Variants in NUMB observed in about 807,000 individuals in gnomAD.
NUMB encodes the protein NUMB endocytic adaptor protein.
In NUMB, 29 loss-of-function variants were observed where a neutral mutation model predicts 59.7. That is an observed-to-expected ratio of 0.49 (90% CI 0.36 to 0.66). The LOEUF (loss-of-function observed/expected upper bound fraction) is 0.66, where lower values mean the gene tolerates loss of function less well. Ranked by LOEUF, NUMB falls within the 30% of genes least tolerant of loss-of-function variation. The pLI is 0.00. For missense variants in NUMB, 723 were observed against 822.0 expected (o/e 0.88, Z 1.47); for synonymous variants, 288 against 288.2 (o/e 1.00, Z 0.01).
chr14:73,422,087 T>G (rs1421356889), intron 1 of NUMB, among the ~76,000 whole-genome samples: 1 of 151,480 alleles, frequency 6.6e-6, no homozygotes, highest in African/African-American at 2.4e-5. Flanking sequence ...GAGGTTGCAG[T>G]GAGCCAAGAT....
At chr14:73,378,263 A>C (rs1895065695) in intron 2 of NUMB, among the ~76,000 whole-genome samples, 1 of 152,260 alleles carries the variant, frequency 6.6e-6, no homozygotes. Flanking sequence ...AATTCTGAGA[A>C]GCAGTTCCAG....
chr14:73,361,785 CA>C (rs1407897638), intron 3 of NUMB, among the ~76,000 whole-genome samples: 10 of 151,998 alleles, frequency 6.6e-5, no homozygotes, highest in African/African-American at 2.4e-4. Context: ...ATAACTTTAT[CA>C]AGACCTCAAG....
chr14:73,361,280 A>G (rs962091039), intron 3 of NUMB, among the ~76,000 whole-genome samples: 1 of 152,180 alleles, frequency 6.6e-6, no homozygotes, highest in Non-Finnish European at 1.5e-5. Flanking sequence ...CTAACTTGCT[A>G]AAGGTAGAAA....
At chr14:73,402,154 C>A (rs56300347) in intron 2 of NUMB, among the ~76,000 whole-genome samples, 7,832 of 152,220 alleles carry the variant, frequency 0.051, 656 homozygotes, top group African/African-American at 0.18. Context: ...GAGTGAGCCA[C>A]TGCACCTGGC....
chr14:73,336,486 A>G (rs1892324115), intron 4 of NUMB, among the ~76,000 whole-genome samples: 1 of 152,218 alleles, frequency 6.6e-6, no homozygotes, highest in Non-Finnish European at 1.5e-5. Flanking sequence ...GAAGTAAAGA[A>G]AACAAAGGAA....
chr14:73,278,142 C>T (rs1888328369), intron 12 of NUMB, among the ~76,000 whole-genome samples: 1 of 150,880 alleles, frequency 6.6e-6, no homozygotes, highest in Non-Finnish European at 1.5e-5. Context: ...AAGAAAATAA[C>T]CAGTGACCTG....
Position 73,292,877 on chromosome 14 carries a change from AG to A in NUMB, c.310-4del. The A allele has an allele frequency of 6.2e-7, 1 of 1,613,974 alleles. No homozygotes were observed. Among genetic ancestry groups the A allele is most frequent in the Non-Finnish European group, 8.5e-7 (1 of 1,179,928 alleles). On this transcript the variant is annotated splice_region_variant and splice_polypyrimidine_tract_variant and intron_variant, in intron 7 of 12. Coordinates refer to ENST00000555238, the MANE Select transcript of NUMB (RefSeq NM_001005743.2). ...ATCGTCTGGTCAACTATGAGGTCCT[AG>A]AAAATACGACACACAAAGAAAGAGA...
intron 1 of NUMB, among the ~76,000 whole-genome samples, chr14:73,426,757 G>A (rs1343900981): frequency 6.6e-6 from 1 of 152,180 alleles, no homozygotes; most frequent in Non-Finnish European, 1.5e-5. Context: ...TGAGACAGGA[G>A]AATTGCTTGA....
At chr14:73,404,736 T>G (rs1896579637) in intron 2 of NUMB, among the ~76,000 whole-genome samples, 1 of 152,184 alleles carries the variant, frequency 6.6e-6, no homozygotes, top group African/African-American at 2.4e-5. Context: ...TTTCATATTT[T>G]TATACCTTTC....
intron 6 of NUMB, among the ~76,000 whole-genome samples, chr14:73,307,893 C>A (rs894072193): frequency 6.6e-6 from 1 of 152,074 alleles, no homozygotes; most frequent in African/African-American, 2.4e-5. Flanking sequence ...CCACCACGCC[C>A]GGCTAATTTT....
At chr14:73,413,887 A>C (rs1421183744) in intron 1 of NUMB, among the ~76,000 whole-genome samples, 1 of 152,144 alleles carries the variant, frequency 6.6e-6, no homozygotes, top group Non-Finnish European at 1.5e-5. Context: ...AAACCAATGC[A>C]GTATTATAAT....
chr14:73,401,551 A>T, intron 2 of NUMB, among the ~76,000 whole-genome samples: 1 of 150,592 alleles, frequency 6.6e-6, no homozygotes, highest in African/African-American at 2.5e-5. Context: ...CTAACAAAAT[A>T]TGTAAGACTA....
intron 1 of NUMB, among the ~76,000 whole-genome samples, chr14:73,417,503 G>A (rs1465858261): frequency 1.3e-5 from 2 of 151,316 alleles, no homozygotes; most frequent in East Asian, 3.9e-4. Flanking sequence ...TGTGAGCCAA[G>A]GTCGAGCCAC....
Position 73,395,817 on chromosome 14 carries a change from C to T in NUMB, c.-101+14120G>A, listed in dbSNP as rs1038361015. On this transcript the variant is annotated intron_variant, in intron 2 of 12. Coordinates refer to ENST00000555238, the MANE Select transcript of NUMB (RefSeq NM_001005743.2). ...ATAGTTTTTCCTGTGTCTCAACTGTCCTCTTTGAAAAAATGGAAATAACCT... is the reference window on the plus strand; with the variant it reads ...ATAGTTTTTCCTGTGTCTCAACTGTTCTCTTTGAAAAAATGGAAATAACCT... 2.6e-5 allele frequency among the ~76,000 whole-genome samples: 4 copies of T among 151,968 alleles called. No homozygotes were observed. The East Asian group carries it at 7.7e-4, about 29-fold the overall frequency.
chr14:73,434,632 G>A (rs1897974113), intron 1 of NUMB, among the ~76,000 whole-genome samples: 2 of 152,148 alleles, frequency 1.3e-5, no homozygotes, highest in Non-Finnish European at 2.9e-5. Context: ...CTGGGAGGAT[G>A]AGGTGGGAGA....
intron 6 of NUMB, among the ~76,000 whole-genome samples, chr14:73,309,718 T>TATA (rs199953380): frequency 0.12 from 16,789 of 137,018 alleles, 1,096 homozygotes; most frequent in South Asian, 0.24. Context: ...GAACTTAAGG[T>TATA]ATAATAATAA....
chr14:73,327,319 C>T (rs1566744366), intron 4 of NUMB, among the ~76,000 whole-genome samples: 1 of 152,294 alleles, frequency 6.6e-6, no homozygotes, highest in East Asian at 1.9e-4. Flanking sequence ...TACAGTGGTG[C>T]AATCTCAGCT....
At chr14:73,294,262 C>T (rs1889607751) in intron 7 of NUMB, among the ~76,000 whole-genome samples, 2 of 152,144 alleles carry the variant, frequency 1.3e-5, no homozygotes, top group Non-Finnish European at 1.5e-5. Flanking sequence ...GGCTGGAGTG[C>T]AGTGGCGCAA....
At chr14:73,374,783 T>C (rs1331359287) in intron 2 of NUMB, among the ~76,000 whole-genome samples, 1 of 144,678 alleles carries the variant, frequency 6.9e-6, no homozygotes, top group Non-Finnish European at 1.5e-5. Context: ...GAGTCCAACA[T>C]GATCTCAGCT....
Sources: allele counts gnomAD v4.1 joint callset (sites outside exome capture counted in the v4.1 genomes callset), GRCh38; gene constraint gnomAD v4.1.1; transcripts MANE v1.5; gene names NCBI Gene and HGNC (gene_info 2026-07-23, HGNC 2026-07-21).